IL1R1: variants seen among roughly 807,000 people sequenced by gnomAD.
IL1R1 encodes interleukin 1 receptor type 1.
A neutral mutation model predicts 50.2 loss-of-function variants in IL1R1; 22 were observed. The observed-to-expected ratio is 0.44, with a 90% confidence interval of 0.31 to 0.63. The LOEUF (loss-of-function observed/expected upper bound fraction) is 0.63, where lower values mean the gene tolerates loss of function less well. Among genes scored for constraint, IL1R1 ranks in the 20% least tolerant of loss-of-function variants. IL1R1 has a pLI of 0.07. For synonymous variants in IL1R1, 251 were observed against 236.7 expected (o/e 1.06, Z -0.55); for missense variants, 509 against 676.2 (o/e 0.75, Z 2.74).
chr2:102,084,157 G>C (rs1483671783), intron 1 of IL1R1, among the ~76,000 whole-genome samples: 1 of 152,130 alleles, frequency 6.6e-6, no homozygotes, highest in African/African-American at 2.4e-5. Flanking sequence ...GCGCAAATGA[G>C]AAAGGCCATA....
At chr2:102,124,390 A>G (rs1681576253) in intron 1 of IL1R1, among the ~76,000 whole-genome samples, 1 of 151,986 alleles carries the variant, frequency 6.6e-6, no homozygotes, top group South Asian at 2.1e-4. Flanking sequence ...ACTGCACTCC[A>G]GCCTGGGTGA....
chr2:102,105,715 T>C (rs918463967), intron 1 of IL1R1, among the ~76,000 whole-genome samples: 3 of 152,238 alleles, frequency 2.0e-5, no homozygotes, highest in Non-Finnish European at 2.9e-5. Flanking sequence ...TTTAAAGGTA[T>C]AATGCATTGT....
intron 1 of IL1R1, among the ~76,000 whole-genome samples, chr2:102,146,169 C>T (rs1683102827): frequency 6.6e-6 from 1 of 151,836 alleles, no homozygotes; most frequent in Non-Finnish European, 1.5e-5. Context: ...CATTTGGCGT[C>T]CCAAATGTGA....
chr2:102,173,523 C>G (rs574877317), intron 9 of IL1R1, among the ~76,000 whole-genome samples: 1 of 152,190 alleles, frequency 6.6e-6, no homozygotes, highest in South Asian at 2.1e-4. Flanking sequence ...TCATCAAATA[C>G]TTAAGAATAA....
intron 1 of IL1R1, among the ~76,000 whole-genome samples, chr2:102,127,835 C>G (rs73943986): frequency 0.016 from 2,501 of 152,238 alleles, 61 homozygotes; most frequent in South Asian, 0.092. Flanking sequence ...GGAAATGATT[C>G]AAGTTTGGAT....
intron 1 of IL1R1, among the ~76,000 whole-genome samples, chr2:102,072,087 G>A (rs1013403116): frequency 3.3e-5 from 5 of 151,460 alleles, no homozygotes; most frequent in South Asian, 2.1e-4. Flanking sequence ...GCAAAACCCC[G>A]TCTCTAGTAA....
intron 1 of IL1R1, among the ~76,000 whole-genome samples, chr2:102,136,606 G>A (rs780053074): frequency 6.6e-6 from 1 of 151,986 alleles, no homozygotes; most frequent in Non-Finnish European, 1.5e-5. Flanking sequence ...TCGAACCCCT[G>A]ACCTCGTGAT....
chr2:102,085,691 C>T (rs1679402016), intron 1 of IL1R1, among the ~76,000 whole-genome samples: 1 of 151,850 alleles, frequency 6.6e-6, no homozygotes, highest in Admixed American at 6.6e-5. Context: ...CTATTATTTG[C>T]ATTTAATATT....
intron 1 of IL1R1, among the ~76,000 whole-genome samples, chr2:102,075,331 A>G (rs1016575561): frequency 4.6e-5 from 7 of 152,372 alleles, no homozygotes; most frequent in African/African-American, 7.2e-5. Flanking sequence ...ATGTTGTGAC[A>G]CTGGCTCTGT....
upstream of IL1R1, among the ~76,000 whole-genome samples, chr2:102,101,235 G>A (rs1680127987): frequency 6.6e-6 from 1 of 152,174 alleles, no homozygotes; most frequent in Admixed American, 6.5e-5. Flanking sequence ...CAAGAGTTTA[G>A]ACTATACTGT....
chr2:102,085,035 T>G (rs1679375814), intron 1 of IL1R1, among the ~76,000 whole-genome samples: 1 of 152,244 alleles, frequency 6.6e-6, no homozygotes, highest in Non-Finnish European at 1.5e-5. Context: ...TATTTTCTTT[T>G]GTTAAGGATC....
intron 1 of IL1R1, among the ~76,000 whole-genome samples, chr2:102,110,403 T>A (rs977622994): frequency 6.6e-6 from 1 of 151,878 alleles, no homozygotes; most frequent in Non-Finnish European, 1.5e-5. Flanking sequence ...ACACTTGTGA[T>A]TTTGATATAT....
chr2:102,100,821 G>C (rs977612474), upstream of IL1R1, among the ~76,000 whole-genome samples: 1 of 152,100 alleles, frequency 6.6e-6, no homozygotes, highest in East Asian at 1.9e-4. Flanking sequence ...CATTCTCCCC[G>C]GAGGTTTGAT....
At chr2:102,150,734 C>T (rs1486124809) in intron 1 of IL1R1, among the ~76,000 whole-genome samples, 1 of 152,192 alleles carries the variant, frequency 6.6e-6, no homozygotes, top group Non-Finnish European at 1.5e-5. Flanking sequence ...GGCCTTGGGT[C>T]ACCCTAGGAT....
chr2:102,101,814 G>T (rs887992361), upstream of IL1R1, among the ~76,000 whole-genome samples: 9 of 152,302 alleles, frequency 5.9e-5, no homozygotes, highest in African/African-American at 9.6e-5. Context: ...TCGGCTCAGG[G>T]AATTCTATAC....
chr2:102,089,887 G>T (rs1190076569), intron 1 of IL1R1, among the ~76,000 whole-genome samples: 3 of 148,706 alleles, frequency 2.0e-5, no homozygotes, highest in Non-Finnish European at 4.4e-5. Context: ...AGGCTGGAGT[G>T]CAGTGGTACG....
chr2:102,087,485 CT>C (rs1230527093), intron 1 of IL1R1, among the ~76,000 whole-genome samples: 4 of 152,142 alleles, frequency 2.6e-5, no homozygotes, highest in African/African-American at 9.7e-5. Context: ...ATTCATAATC[CT>C]TTTGATATGG....
chr2:102,124,145 G>A (rs1342491138), intron 1 of IL1R1, among the ~76,000 whole-genome samples: 1 of 152,180 alleles, frequency 6.6e-6, no homozygotes, highest in African/African-American at 2.4e-5. Flanking sequence ...CCCGAGACTG[G>A]GCACAGTGGC....
In IL1R1 at chr2:102,109,415, T is replaced by TA. The variant is rs544645616; in HGVS notation, c.-84+4545dup. 1.2e-3 allele frequency among the ~76,000 whole-genome samples: 182 copies of TA among 149,400 alleles called. 1 individual carries two copies. Among genetic ancestry groups the TA allele is most frequent in the Non-Finnish European group, 2.0e-3 (138 of 68,002 alleles). On this transcript the variant is annotated intron_variant, in intron 1 of 10. Transcript: ENST00000409329. ...CAAGCTGAGACCCTGAGAAGTTCAG[T>TA]AAGTTTCCCAAAGCTGCAGGCTAGT...
Sources: gnomAD v4.1 joint callset for allele counts (sites outside exome capture counted in the v4.1 genomes callset) on GRCh38, gnomAD v4.1.1 for gene constraint, MANE v1.5 for transcripts, NCBI Gene and HGNC (gene_info 2026-07-23, HGNC 2026-07-21) for gene names.